PGLYRP3: variants seen among roughly 807,000 people sequenced by gnomAD.
PGLYRP3 encodes peptidoglycan recognition protein I alpha.
A neutral mutation model predicts 36.0 loss-of-function variants in PGLYRP3; 39 were observed. The observed-to-expected ratio is 1.08, with a 90% CI of 0.84 to 1.41. The LOEUF (loss-of-function observed/expected upper bound fraction) is 1.41, where lower values mean the gene tolerates loss of function less well. Among genes scored for constraint, PGLYRP3 ranks in the 40% most tolerant of loss-of-function variants. The probability of loss-of-function intolerance (pLI) is 0.00; values close to 1 mark genes in which losing one functional copy is unlikely to be tolerated. For missense variants in PGLYRP3, 407 were observed against 427.9 expected (o/e 0.95, Z 0.43); for synonymous variants, 204 against 172.8 (o/e 1.18, Z -1.42).
rs768025409 is a variant in PGLYRP3, at chr1:153,297,245, C to A, written c.*711G>T. Among the ~76,000 whole-genome samples the A allele has an allele frequency of 6.6e-6, 1 of 151,936 alleles. No homozygotes were observed. Among genetic ancestry groups the A allele is most frequent in the Non-Finnish European group, 1.5e-5 (1 of 67,986 alleles). On this transcript the variant is annotated 3_prime_UTR_variant, in exon 8 of 8. Coordinates refer to ENST00000683862, the MANE Select transcript of PGLYRP3 (RefSeq NM_052891.3). ...TTCCTCCCTTGGAGAAACTTACAAC[C>A]CAGAGGAGAGGACAGACATATCTAT...
In PGLYRP3 at chr1:153,297,621, A is replaced by G. The variant is rs188579333; in HGVS notation, c.*335T>C. Among the ~76,000 whole-genome samples the G allele has an allele frequency of 4.6e-3, 703 of 151,696 alleles. 2 individuals are homozygous for G. The highest frequency in any genetic ancestry group is 7.6e-3 in the Non-Finnish European group (518 of 67,874). On this transcript the variant is annotated 3_prime_UTR_variant, in exon 8 of 8. Transcript: ENST00000683862. ...GAAAGAAAGAGAAAGGAAGCAAAGA[A>G]AGAAAGAAGAGGAGACAGGGGTTGG...
At chr1:153,302,661 G>A in intron 5 of PGLYRP3, 54 bp from the exon 6 acceptor site, 1 of 1,546,838 alleles carries the variant, frequency 6.5e-7, no homozygotes, top group Non-Finnish European at 8.9e-7. Context: ...CTCTCTGTGA[G>A]CAATCACTCA....
Position 153,310,642 on chromosome 1 carries a change from A to C in PGLYRP3, c.24T>G (p.Leu8=), listed in dbSNP as rs1234460478. 1 of 1,614,162 alleles carries C rather than the reference A, an allele frequency of 6.2e-7. No homozygotes were observed. Among genetic ancestry groups the C allele is most frequent in the South Asian group, 1.1e-5 (1 of 91,080 alleles). Residue 8 remains leucine (L), a synonymous_variant, in exon 2 of 8, where the codon CTT becomes CTG. Coordinates refer to ENST00000683862, the MANE Select transcript of PGLYRP3 (RefSeq NM_052891.3). MGTLPWL[L]AFFILGLQAW... Reference sequence around the variant, plus strand: ...CCTGGAGACCCAGAATGAAGAAGGCAAGAAGCCATGGCAGCGTCCCCATGT... The same window carrying C: ...CCTGGAGACCCAGAATGAAGAAGGCCAGAAGCCATGGCAGCGTCCCCATGT...
chr1:153,299,004 C>A, intron 7 of PGLYRP3, 109 bp downstream of exon 7: 1 of 838,206 alleles, frequency 1.2e-6, no homozygotes, highest in South Asian at 1.4e-5. Context: ...CTAAAATGTT[C>A]CATTCACACT....
intron 1 of PGLYRP3, among the ~76,000 whole-genome samples, chr1:153,311,307 T>C (rs941852945): frequency 2.6e-5 from 4 of 152,198 alleles, no homozygotes; most frequent in Admixed American, 1.3e-4. Flanking sequence ...TGTTCCAAGG[T>C]TTTTGCTGAG....
Position 153,302,200 on chromosome 1 carries a change from C to T in PGLYRP3, c.728+209G>A, listed in dbSNP as rs1377409965. ...GCCTTCTTTTCAGAATCTTCCCAACCACTTGTGGAGATACGTCCAAGCGAG... is the reference window on the plus strand; with the variant it reads ...GCCTTCTTTTCAGAATCTTCCCAACTACTTGTGGAGATACGTCCAAGCGAG... On this transcript the variant is annotated intron_variant, in intron 6 of 7. Transcript: ENST00000683862. Among the ~76,000 whole-genome samples, 5 of 152,196 alleles carry T rather than the reference C, an allele frequency of 3.3e-5. No individual in the cohort carries two copies. The East Asian group carries it at 5.8e-4, about 18-fold the overall frequency.
chr1:153,308,370 A>G (rs1288676100), intron 2 of PGLYRP3, among the ~76,000 whole-genome samples: 4 of 152,146 alleles, frequency 2.6e-5, no homozygotes, highest in Non-Finnish European at 5.9e-5. Context: ...CTAAGGACTC[A>G]GGATGATCCA....
At chr1:153,305,374 A>C (rs1016110000) in intron 3 of PGLYRP3, among the ~76,000 whole-genome samples, 1 of 152,352 alleles carries the variant, frequency 6.6e-6, no homozygotes, top group South Asian at 2.1e-4. Context: ...GCTTTTCAAG[A>C]GCTTAAAAAT....
At chr1:153,311,827 C>A (rs1659902518) in intron 1 of PGLYRP3, among the ~76,000 whole-genome samples, 1 of 152,190 alleles carries the variant, frequency 6.6e-6, no homozygotes, top group Admixed American at 6.5e-5. Context: ...CATGTGGAAG[C>A]CTCCTGGGTC....
chr1:153,302,975 G>A (rs1048145849), intron 5 of PGLYRP3, among the ~76,000 whole-genome samples: 13 of 152,242 alleles, frequency 8.5e-5, no homozygotes, highest in African/African-American at 3.1e-4. Flanking sequence ...GCGGAAGTCA[G>A]TGGACTCTCC....
intron 7 of PGLYRP3, among the ~76,000 whole-genome samples, chr1:153,298,560 G>A (rs968877541): frequency 3.9e-5 from 6 of 152,126 alleles, no homozygotes; most frequent in African/African-American, 9.7e-5. Flanking sequence ...GGAGAATGGC[G>A]TGAACCCGGG....
intron 2 of PGLYRP3, among the ~76,000 whole-genome samples, chr1:153,309,589 C>G (rs1659846273): frequency 6.6e-6 from 1 of 152,202 alleles, no homozygotes; most frequent in Non-Finnish European, 1.5e-5. Flanking sequence ...AAATACATGA[C>G]CAGGACCCCA....
chr1:153,311,143 G>T (rs534285184), intron 1 of PGLYRP3, among the ~76,000 whole-genome samples: 1 of 152,154 alleles, frequency 6.6e-6, no homozygotes, highest in African/African-American at 2.4e-5. Flanking sequence ...GCAGAAGCAG[G>T]CTTGGCTTCG....
intron 3 of PGLYRP3, 99 bp from the exon 4 acceptor site, chr1:153,305,164 A>G (rs1202464490): frequency 1.1e-6 from 1 of 896,710 alleles, no homozygotes; most frequent in Non-Finnish European, 1.7e-6. Flanking sequence ...CTCATAAGTA[A>G]GTACTATGTT....
At chr1:153,302,806 G>A (rs929408035) in intron 5 of PGLYRP3, among the ~76,000 whole-genome samples, 199 bp from the exon 6 acceptor site, 2 of 152,202 alleles carry the variant, frequency 1.3e-5, no homozygotes, top group African/African-American at 4.8e-5. Context: ...GAGCCAAGGG[G>A]CTGAGGCAAA....
chr1:153,307,015 G>T (rs1380141816), intron 3 of PGLYRP3, 51 bp downstream of exon 3: 1 of 1,562,794 alleles, frequency 6.4e-7, no homozygotes, highest in East Asian at 2.3e-5. Context: ...GAAGTGGGAA[G>T]CACCCCCGTG....
intron 3 of PGLYRP3, among the ~76,000 whole-genome samples, chr1:153,305,914 A>G (rs1405468488): frequency 6.6e-6 from 1 of 152,224 alleles, no homozygotes; most frequent in Non-Finnish European, 1.5e-5. Flanking sequence ...ACAGTCCCTT[A>G]CAGCTACTGT....
chr1:153,307,347 T>C, intron 2 of PGLYRP3, 80 bp from the exon 3 acceptor site: 2 of 1,401,468 alleles, frequency 1.4e-6, no homozygotes, highest in Middle Eastern at 2.5e-4. Context: ...CCCTGACCTC[T>C]CATGCTCAGG....
chr1:153,312,122 T>A (rs1379346748), intron 1 of PGLYRP3, among the ~76,000 whole-genome samples: 2 of 152,194 alleles, frequency 1.3e-5, no homozygotes, highest in Admixed American at 6.5e-5. Context: ...AACGTCAGTA[T>A]GGCAAATCCT....
Sources: allele counts gnomAD v4.1 joint callset (sites outside exome capture counted in the v4.1 genomes callset), GRCh38; gene constraint gnomAD v4.1.1; transcripts MANE v1.5; gene names NCBI Gene and HGNC (gene_info 2026-07-23, HGNC 2026-07-21).